ELAPOR2: variants seen among roughly 807,000 people sequenced by gnomAD.
The protein encoded by ELAPOR2 is endosome-lysosome associated apoptosis and autophagy regulator family member 2.
ELAPOR2 carries 89 observed loss-of-function variants against 120.7 expected under a neutral mutation model. The ratio of observed to expected loss-of-function variants is 0.74; its 90% CI spans 0.62 to 0.88. The LOEUF is 0.88. Ranked by LOEUF, ELAPOR2 falls within the 40% of genes least tolerant of loss-of-function variation. The pLI is 0.00. For missense variants in ELAPOR2, 1,134 were observed against 1,251.6 expected (o/e 0.91, Z 1.42); for synonymous variants, 444 against 444.9 (o/e 1.00, Z 0.03).
intron 15 of ELAPOR2, 148 bp downstream of exon 15, chr7:86,911,924 G>C: frequency 1.3e-6 from 1 of 793,618 alleles, no homozygotes; most frequent in Non-Finnish European, 2.0e-6. Flanking sequence ...AATATTCTAG[G>C]CAGCAATAGA....
intron 8 of ELAPOR2, among the ~76,000 whole-genome samples, chr7:86,932,532 G>A (rs932900770): frequency 6.6e-6 from 1 of 151,920 alleles, no homozygotes; most frequent in Non-Finnish European, 1.5e-5. Flanking sequence ...CTGCCTCAGT[G>A]TAATACCCAA....
chr7:87,023,078 A>G (rs1354307700), intron 1 of ELAPOR2, among the ~76,000 whole-genome samples: 3 of 152,048 alleles, frequency 2.0e-5, no homozygotes, highest in East Asian at 1.9e-4. Flanking sequence ...ATTAGATCCC[A>G]TTTGTCAATT....
intron 19 of ELAPOR2, among the ~76,000 whole-genome samples, chr7:86,895,828 G>A (rs954279494): frequency 5.9e-5 from 9 of 151,968 alleles, no homozygotes; most frequent in South Asian, 4.1e-4. Context: ...GTGCAGCTTC[G>A]TTTTTCATTT....
chr7:87,046,678 A>T (rs1794968295), intron 1 of ELAPOR2, among the ~76,000 whole-genome samples: 1 of 152,152 alleles, frequency 6.6e-6, no homozygotes. Context: ...ATGATGTCAT[A>T]AGTCTTTGGA....
chr7:86,966,019 T>A (rs989704679), intron 1 of ELAPOR2: 1 of 939,520 alleles, frequency 1.1e-6, no homozygotes. Flanking sequence ...TTTTTTGCAA[T>A]CTAGATAAGC....
intron 15 of ELAPOR2, among the ~76,000 whole-genome samples, chr7:86,911,180 A>G (rs550785301): frequency 6.6e-6 from 1 of 152,308 alleles, no homozygotes; most frequent in East Asian, 1.9e-4. Flanking sequence ...TGCTTCCCAC[A>G]GTATCTGGCA....
chr7:86,910,079 T>C, intron 15 of ELAPOR2, 78 bp from the exon 16 acceptor site: 1 of 1,141,470 alleles, frequency 8.8e-7, no homozygotes. Context: ...CTAGTGACCC[T>C]AGAAGAGCAG....
chr7:87,007,134 T>C (rs1233642659), intron 1 of ELAPOR2, among the ~76,000 whole-genome samples: 2 of 152,308 alleles, frequency 1.3e-5, no homozygotes, highest in African/African-American at 2.4e-5. Flanking sequence ...GACACAGATA[T>C]GTGCATGTGT....
In ELAPOR2 at chr7:86,912,304, ATGTGTTTG is replaced by A. The variant is rs1177946940; in HGVS notation, c.1996-67_1996-60del. On this transcript the variant is annotated intron_variant, in intron 14 of 21. Coordinates refer to ENST00000450689, the MANE Select transcript of ELAPOR2 (RefSeq NM_001142749.3). ...AAAGAAAATATTAGCTGCTACTAAA[ATGTGTTTG>A]AAAAAAGTTCTAGGTATAAAAACTA... is the stretch of plus-strand genomic sequence containing the variant. 5.1e-6 allele frequency: 6 copies of A among 1,179,938 alleles called. No homozygotes were observed. The Admixed American group carries it at 8.3e-5, about 16-fold the overall frequency. The allele number at this position is 1,179,938 out of a possible 1,614,324, so 73.1% of individuals were successfully genotyped here. A position where few individuals can be genotyped will look rare whatever the true frequency, so the allele number is the denominator to read the frequency against.
intron 1 of ELAPOR2, among the ~76,000 whole-genome samples, chr7:86,988,601 G>A (rs1287485591): frequency 1.3e-5 from 2 of 152,148 alleles, no homozygotes; most frequent in Non-Finnish European, 2.9e-5. Flanking sequence ...TACAGATACT[G>A]AGAAACAAGT....
intron 1 of ELAPOR2, among the ~76,000 whole-genome samples, chr7:87,014,530 C>A (rs1793805033): frequency 6.6e-6 from 1 of 152,144 alleles, no homozygotes; most frequent in African/African-American, 2.4e-5. Context: ...ATTTCAAGAA[C>A]ACCTATGTCA....
At chr7:86,924,412 TA>T (rs1327001761) in intron 10 of ELAPOR2, among the ~76,000 whole-genome samples, 1 of 134,046 alleles carries the variant, frequency 7.5e-6, no homozygotes, top group Non-Finnish European at 1.7e-5. Flanking sequence ...CACACAAATG[TA>T]TTAGTCCTTT....
At chr7:87,044,874 T>C (rs1262546700) in intron 1 of ELAPOR2, among the ~76,000 whole-genome samples, 1 of 149,418 alleles carries the variant, frequency 6.7e-6, no homozygotes, top group Non-Finnish European at 1.5e-5. Context: ...AAAGGGCTAA[T>C]ATCCAGAATC....
At chr7:86,915,698 G>A (rs112266588) in intron 12 of ELAPOR2, among the ~76,000 whole-genome samples, 52 of 149,048 alleles carry the variant, frequency 3.5e-4, no homozygotes, top group Middle Eastern at 3.4e-3. Context: ...CTGGGATGCC[G>A]GCAATAAGGT....
intron 1 of ELAPOR2, among the ~76,000 whole-genome samples, chr7:87,034,744 T>C (rs1428025257): frequency 6.6e-6 from 1 of 152,110 alleles, no homozygotes; most frequent in Admixed American, 6.5e-5. Flanking sequence ...CACTGTGTTT[T>C]TACACTGTAG....
chr7:86,938,255 T>C, intron 7 of ELAPOR2, 41 bp from the exon 8 acceptor site: 1 of 1,460,984 alleles, frequency 6.8e-7, no homozygotes, highest in Non-Finnish European at 9.3e-7. Context: ...GGTCAATTAT[T>C]TTGCAACTCT....
At chr7:86,907,195 GA>G (rs918982517) in intron 18 of ELAPOR2, among the ~76,000 whole-genome samples, 2 of 151,946 alleles carry the variant, frequency 1.3e-5, no homozygotes, top group Non-Finnish European at 2.9e-5. Flanking sequence ...ATAAACTGAA[GA>G]GCTAGAAATC....
intron 14 of ELAPOR2, 114 bp from the exon 15 acceptor site, chr7:86,912,359 T>A: frequency 1.7e-6 from 1 of 574,696 alleles, no homozygotes; most frequent in Non-Finnish European, 3.0e-6. Context: ...TAGTCTTAGC[T>A]ATAATATACT....
At chr7:87,011,469 C>G (rs1793678147) in intron 1 of ELAPOR2, among the ~76,000 whole-genome samples, 1 of 152,170 alleles carries the variant, frequency 6.6e-6, no homozygotes, top group East Asian at 1.9e-4. Context: ...TTGATAGTAA[C>G]AAACTTTAAA....
Sources: gnomAD v4.1 joint callset for allele counts (sites outside exome capture counted in the v4.1 genomes callset) on GRCh38, gnomAD v4.1.1 for gene constraint, MANE v1.5 for transcripts, NCBI Gene and HGNC (gene_info 2026-07-23, HGNC 2026-07-21) for gene names.